The following SLC25A26 variants were observed in gnomAD, a reference collection of about 807,000 sequenced individuals.
The protein encoded by SLC25A26 is solute carrier family 25 member 26.
In SLC25A26, 36 loss-of-function variants were observed where a neutral mutation model predicts 37.8. That is an observed-to-expected ratio of 0.95 (90% CI 0.73 to 1.26). SLC25A26 has a LOEUF of 1.26. Ranked by LOEUF, SLC25A26 falls within the 50% of genes most tolerant of loss-of-function variation. The pLI is 0.00. For synonymous variants in SLC25A26, 129 were observed against 122.5 expected, an observed-to-expected ratio of 1.05 and a Z score of -0.35; for missense variants, 390 against 331.1, an observed-to-expected ratio of 1.18 and a Z score of -1.38.
At chr3:66,264,940 T>C (rs560021409) in intron 5 of SLC25A26, among the ~76,000 whole-genome samples, 90 of 152,310 alleles carry the variant, frequency 5.9e-4, no homozygotes, top group African/African-American at 2.0e-3. Context: ...ATTCAACACA[T>C]GGGAAATTTT....
intron 6 of SLC25A26, among the ~76,000 whole-genome samples, chr3:66,353,386 T>G (rs2076504505): frequency 6.6e-6 from 1 of 152,170 alleles, no homozygotes; most frequent in South Asian, 2.1e-4. Flanking sequence ...TCTGTAGATG[T>G]GAAAATGGAA....
At chr3:66,134,920 T>A (rs1352129907) in intron 1 of SLC25A26, among the ~76,000 whole-genome samples, 1 of 152,084 alleles carries the variant, frequency 6.6e-6, no homozygotes, top group African/African-American at 2.4e-5. Flanking sequence ...AACTTCTGCC[T>A]CCCAGGTTCA....
At chr3:66,183,064 A>T (rs963807889) in intron 1 of SLC25A26, among the ~76,000 whole-genome samples, 4 of 152,060 alleles carry the variant, frequency 2.6e-5, no homozygotes, top group African/African-American at 9.7e-5. Context: ...TGTTTTGGTT[A>T]TTCTATACAA....
intron 1 of SLC25A26, among the ~76,000 whole-genome samples, chr3:66,185,751 G>A (rs1266684303): frequency 1.3e-5 from 2 of 151,996 alleles, no homozygotes; most frequent in African/African-American, 4.8e-5. Flanking sequence ...CACTGACCCT[G>A]ACTCTGTATT....
At chr3:66,293,575 A>T (rs1419393269) in intron 5 of SLC25A26, among the ~76,000 whole-genome samples, 1 of 149,580 alleles carries the variant, frequency 6.7e-6, no homozygotes, top group African/African-American at 2.5e-5. Flanking sequence ...AGTGTCTCTT[A>T]TTCCCCTCCG....
At chr3:66,171,393 A>G (rs1479867746) in intron 1 of SLC25A26, among the ~76,000 whole-genome samples, 1 of 152,094 alleles carries the variant, frequency 6.6e-6, no homozygotes, top group Non-Finnish European at 1.5e-5. Flanking sequence ...CCTAGCAGTT[A>G]TTTGGTCTCT....
intron 1 of SLC25A26, among the ~76,000 whole-genome samples, chr3:66,181,429 G>A (rs772768664): frequency 8.5e-5 from 13 of 152,162 alleles, no homozygotes; most frequent in Non-Finnish European, 1.6e-4. Flanking sequence ...ATACTTTAAT[G>A]TATACAGAGC....
At chr3:66,290,828 TA>T (rs1274864620) in intron 5 of SLC25A26, among the ~76,000 whole-genome samples, 3 of 152,220 alleles carry the variant, frequency 2.0e-5, no homozygotes, top group Non-Finnish European at 4.4e-5. Flanking sequence ...GTTGGCCTCA[TA>T]AAATGAATTA....
At chr3:66,255,398 G>C (rs1384915102) in intron 3 of SLC25A26, among the ~76,000 whole-genome samples, 1 of 151,838 alleles carries the variant, frequency 6.6e-6, no homozygotes. Flanking sequence ...GCAGCATCAT[G>C]ATTTAATCAA....
In SLC25A26 at chr3:66,281,792, CT is replaced by C. The variant is rs576012012; in HGVS notation, c.453+18414del. On this transcript the variant is annotated intron_variant, in intron 5 of 9. Coordinates refer to ENST00000354883, the MANE Select transcript of SLC25A26 (RefSeq NM_001379210.1). ...AGTGGGGAGCCTCTTCAGCCTACTTCTGTGTTCATGTGACATTTCCCCGTTA... is the reference window on the plus strand; with the variant it reads ...AGTGGGGAGCCTCTTCAGCCTACTTCGTGTTCATGTGACATTTCCCCGTTA... Among the ~76,000 whole-genome samples, 399 of 146,426 alleles carry C rather than the reference CT, an allele frequency of 2.7e-3. 2 individuals are homozygous for C. The highest frequency in any genetic ancestry group is 9.0e-3 in the African/African-American group (360 of 40,082).
intron 3 of SLC25A26, among the ~76,000 whole-genome samples, chr3:66,254,465 A>G (rs1559621634): frequency 6.6e-6 from 1 of 152,222 alleles, no homozygotes; most frequent in Non-Finnish European, 1.5e-5. Flanking sequence ...TTTGCTCTGG[A>G]AAGTCCAAAG....
chr3:66,376,183 G>T (rs908206612), intron 9 of SLC25A26, among the ~76,000 whole-genome samples: 21 of 151,970 alleles, frequency 1.4e-4, no homozygotes, highest in Admixed American at 3.3e-4. Context: ...CAAAGAAAGT[G>T]ATCTATTGAG....
intron 5 of SLC25A26, among the ~76,000 whole-genome samples, chr3:66,345,561 T>C (rs1296670646): frequency 7.3e-5 from 11 of 150,860 alleles, no homozygotes; most frequent in Non-Finnish European, 1.6e-4. Context: ...CCCATCTCTT[T>C]TCCTCTCTCC....
intron 5 of SLC25A26, among the ~76,000 whole-genome samples, chr3:66,320,482 T>C (rs2075665421): frequency 6.6e-6 from 1 of 152,228 alleles, no homozygotes; most frequent in Non-Finnish European, 1.5e-5. Flanking sequence ...ATATACTTCC[T>C]CTGTTAATGG....
chr3:66,244,542 A>G (rs1461798645), intron 3 of SLC25A26, among the ~76,000 whole-genome samples: 1 of 152,236 alleles, frequency 6.6e-6, no homozygotes, highest in Non-Finnish European at 1.5e-5. Context: ...GAACTTAATA[A>G]CAATAGCCCA....
chr3:66,265,364 G>A (rs2073704430), intron 5 of SLC25A26, among the ~76,000 whole-genome samples: 1 of 152,146 alleles, frequency 6.6e-6, no homozygotes. Context: ...TCACATAGAA[G>A]AGACTATCTT....
intron 6 of SLC25A26, among the ~76,000 whole-genome samples, chr3:66,361,126 A>G (rs1035988513): frequency 1.3e-5 from 2 of 152,246 alleles, no homozygotes; most frequent in African/African-American, 2.4e-5. Context: ...CAAAAGCAAG[A>G]GGGCAGTTCA....
At chr3:66,281,703 G>A (rs782737) in intron 5 of SLC25A26, among the ~76,000 whole-genome samples, 1,767 of 151,934 alleles carry the variant, frequency 0.012, 35 homozygotes, top group African/African-American at 0.041. Flanking sequence ...TTTTTTGTTC[G>A]GTAATTATAG....
intron 7 of SLC25A26, among the ~76,000 whole-genome samples, chr3:66,369,062 A>C (rs1446176442): frequency 3.6e-5 from 1 of 27,688 alleles, no homozygotes; most frequent in Admixed American, 4.4e-4. Flanking sequence ...AAAAAAAAAA[A>C]CAAAAGACAG....
Sources: allele counts gnomAD v4.1 joint callset (sites outside exome capture counted in the v4.1 genomes callset), GRCh38; gene constraint gnomAD v4.1.1; transcripts MANE v1.5; gene names NCBI Gene and HGNC (gene_info 2026-07-23, HGNC 2026-07-21).